The following ARL3 variants were observed in gnomAD, a reference collection of about 807,000 sequenced individuals.
ARL3 encodes ADP-ribosylation factor-like protein 3.
Under a neutral mutation model 26.0 loss-of-function variants are expected in ARL3, and 9 were observed. The ratio of observed to expected loss-of-function variants is 0.35; its 90% confidence interval spans 0.21 to 0.60. The LOEUF (loss-of-function observed/expected upper bound fraction) is 0.60. Ranked by LOEUF, ARL3 falls within the 20% of genes least tolerant of loss-of-function variation. The probability of loss-of-function intolerance (pLI) is 0.78; values close to 1 mark genes in which losing one functional copy is unlikely to be tolerated. For synonymous variants in ARL3, 71 were observed against 78.4 expected (o/e 0.91, Z 0.50); for missense variants, 158 against 215.7 (o/e 0.73, Z 1.67).
At chr10:102,692,717 T>A (rs916471460) in intron 3 of ARL3, among the ~76,000 whole-genome samples, 2 of 151,184 alleles carry the variant, frequency 1.3e-5, no homozygotes, top group Admixed American at 1.3e-4. Context: ...GTGTCTTTTT[T>A]CTTTTTTTTG....
chr10:102,678,851 C>A (rs1217085760), intron 5 of ARL3, among the ~76,000 whole-genome samples: 1 of 152,236 alleles, frequency 6.6e-6, no homozygotes, highest in Non-Finnish European at 1.5e-5. Flanking sequence ...AACGGCAGAG[C>A]CCTGCTGAGG....
chr10:102,699,529 G>A (rs1325812291), intron 2 of ARL3, 40 bp from the exon 3 acceptor site: 3 of 1,223,650 alleles, frequency 2.5e-6, no homozygotes, highest in Non-Finnish European at 3.6e-6. Context: ...ATTAAACTTT[G>A]GGATCATAAT....
intron 3 of ARL3, among the ~76,000 whole-genome samples, chr10:102,697,474 G>A (rs2064254591): frequency 6.6e-6 from 1 of 152,194 alleles, no homozygotes; most frequent in Non-Finnish European, 1.5e-5. Flanking sequence ...GCTGCGCCCG[G>A]CAGCTCTATT....
Position 102,714,291 on chromosome 10 carries a change from C to G in ARL3, c.-16G>C, listed in dbSNP as rs2064369154. The G allele has an allele frequency of 1.1e-5, 10 of 951,670 alleles. No homozygotes were observed. The highest frequency in any genetic ancestry group is 1.4e-5 in the Non-Finnish European group (10 of 725,726). 59.0% of individuals were successfully genotyped at this position (951,670 alleles called of 1,614,324 possible). A position where few individuals can be genotyped will look rare whatever the true frequency, so the allele number is the denominator to read the frequency against. On this transcript the variant is annotated 5_prime_UTR_variant, in exon 1 of 6. Transcript: ENST00000260746. ...CACTCACCATCCTCCCGCCGAGTCCCTCCTCCTCCTCCTCCTCCTGCTGCC... is the reference window on the plus strand; with the variant it reads ...CACTCACCATCCTCCCGCCGAGTCCGTCCTCCTCCTCCTCCTCCTGCTGCC...
At chr10:102,676,984 A>G (rs1590117563) in intron 5 of ARL3, 43 bp from the exon 6 acceptor site, 1 of 1,602,354 alleles carries the variant, frequency 6.2e-7, no homozygotes, top group Non-Finnish European at 8.6e-7. Context: ...TAGTTATAAG[A>G]AAAGCACCAC....
chr10:102,682,188 C>G (rs1471391269), intron 5 of ARL3, among the ~76,000 whole-genome samples: 1 of 152,188 alleles, frequency 6.6e-6, no homozygotes, highest in East Asian at 1.9e-4. Flanking sequence ...CCGCTTTCAT[C>G]CACTTGACAT....
chr10:102,696,127 C>A (rs1190358379), intron 3 of ARL3, among the ~76,000 whole-genome samples: 1 of 151,868 alleles, frequency 6.6e-6, no homozygotes, highest in Non-Finnish European at 1.5e-5. Flanking sequence ...CCATGCCCGG[C>A]TATTTTTTTG....
intron 5 of ARL3, among the ~76,000 whole-genome samples, chr10:102,678,588 C>T (rs73342689): frequency 0.053 from 8,111 of 152,264 alleles, 727 homozygotes; most frequent in African/African-American, 0.18. Flanking sequence ...AACACTCTCT[C>T]CTCTACGGAG....
chr10:102,705,410 G>C lies in ARL3; in HGVS notation c.83C>G (p.Ala28Gly). 6.2e-7 allele frequency: 1 copy of C among 1,612,304 alleles called. No homozygotes were observed. The highest frequency in any genetic ancestry group is 8.5e-7 in the Non-Finnish European group (1 of 1,178,898). The change falls in exon 2 of 6, where the codon GCT becomes GGT. Residue 28 changes from alanine (A) to glycine (G), a missense_variant. Transcript: ENST00000260746. The part of the protein sequence containing the change: ...VRILLLGLDN[A>G]GKTTLLKQLA... ...CTGCTTCAGAAGAGTGGTCTTGCCA[G>C]CATTATCCAAGCCCAGGAGAAGTAT...
chr10:102,696,276 T>TC, intron 3 of ARL3, among the ~76,000 whole-genome samples: 2 of 149,364 alleles, frequency 1.3e-5, no homozygotes, highest in African/African-American at 2.5e-5. Flanking sequence ...CATTTTTTTT[T>TC]TTTTTTTGAG....
intron 5 of ARL3, among the ~76,000 whole-genome samples, chr10:102,678,122 C>T (rs1051066674): frequency 6.6e-6 from 1 of 152,104 alleles, no homozygotes; most frequent in Non-Finnish European, 1.5e-5. Flanking sequence ...GCTGTCAGTG[C>T]ACTTGGGCAG....
At chr10:102,680,006 C>A (rs1471604537) in intron 5 of ARL3, among the ~76,000 whole-genome samples, 2 of 152,182 alleles carry the variant, frequency 1.3e-5, no homozygotes, top group African/African-American at 4.8e-5. Context: ...GGCTGGAGTG[C>A]AGTGGCATGA....
intron 2 of ARL3, among the ~76,000 whole-genome samples, chr10:102,702,133 G>A (rs536928989): frequency 6.6e-6 from 1 of 152,166 alleles, no homozygotes; most frequent in South Asian, 2.1e-4. Context: ...TGAGGCTGCA[G>A]TGAGCTATGG....
chr10:102,708,888 AT>A lies in ARL3; in HGVS notation c.4-3400del, dbSNP rs1564734306. Reference sequence around the variant, plus strand: ...AAAACAAAAAATAAAACCATATATTATATATATATATATATATATATTTTTT... The same window carrying A: ...AAAACAAAAAATAAAACCATATATTAATATATATATATATATATATTTTTT... On this transcript the variant is annotated intron_variant, in intron 1 of 5. Transcript: ENST00000260746. 1.5e-3 allele frequency among the ~76,000 whole-genome samples: 158 copies of A among 105,928 alleles called. 28 individuals are homozygous for A. Among genetic ancestry groups the A allele is most frequent in the East Asian group, 4.1e-3 (17 of 4,150 alleles). 69.5% of individuals were successfully genotyped at this position (105,928 alleles called of 152,430 possible). A position where few individuals can be genotyped will look rare whatever the true frequency, so the allele number is the denominator to read the frequency against.
At chr10:102,679,897 C>A (rs1157541740) in intron 5 of ARL3, among the ~76,000 whole-genome samples, 2 of 152,164 alleles carry the variant, frequency 1.3e-5, no homozygotes, top group Non-Finnish European at 2.9e-5. Context: ...GAGGAGGAAC[C>A]TTCTGCTTCT....
chr10:102,705,066 C>T (rs1399197361), intron 2 of ARL3, among the ~76,000 whole-genome samples: 1 of 152,220 alleles, frequency 6.6e-6, no homozygotes, highest in African/African-American at 2.4e-5. Context: ...TCTTGCAAAA[C>T]TGACTCACTG....
At chr10:102,705,831 C>G (rs1351874481) in intron 1 of ARL3, among the ~76,000 whole-genome samples, 1 of 152,054 alleles carries the variant, frequency 6.6e-6, no homozygotes, top group Non-Finnish European at 1.5e-5. Flanking sequence ...TCATATCAAA[C>G]TAGGTAACTG....
intron 4 of ARL3, among the ~76,000 whole-genome samples, chr10:102,686,459 T>G (rs993296702): frequency 2.5e-4 from 37 of 149,026 alleles, no homozygotes; most frequent in African/African-American, 8.9e-4. Context: ...AACTTTTTTT[T>G]TTCTTTCTTT....
Position 102,714,313 on chromosome 10 carries a change from T to C in ARL3, c.-38A>G, listed in dbSNP as rs762062032. On this transcript the variant is annotated 5_prime_UTR_variant, in exon 1 of 6. Transcript: ENST00000260746. ...TCCCTCCTCCTCCTCCTCCTCCTGC[T>C]GCCTCCCCCGTTACCAGGGGCAACT... is the stretch of plus-strand genomic sequence containing the variant. 9 of 1,307,772 alleles carry C rather than the reference T, an allele frequency of 6.9e-6. No homozygotes were observed. The highest frequency in any genetic ancestry group is 8.8e-6 in the Non-Finnish European group (9 of 1,020,134). 81.0% of individuals were successfully genotyped at this position (1,307,772 alleles called of 1,614,324 possible).
Sources: allele counts gnomAD v4.1 joint callset (sites outside exome capture counted in the v4.1 genomes callset), GRCh38; gene constraint gnomAD v4.1.1; transcripts MANE v1.5; gene names NCBI Gene and HGNC (gene_info 2026-07-23, HGNC 2026-07-21).